TNNI3K: variants seen among roughly 807,000 people sequenced by gnomAD.
The protein encoded by TNNI3K is serine/threonine-protein kinase TNNI3K.
TNNI3K carries 140 observed loss-of-function variants against 114.5 expected under a neutral mutation model. The ratio of observed to expected loss-of-function variants is 1.22; its 90% confidence interval spans 1.07 to 1.41. TNNI3K has a LOEUF of 1.41. TNNI3K is among the 40% of genes most tolerant of loss of function. The pLI is 0.00. For missense variants in TNNI3K, 1,125 were observed against 1,007.6 expected (o/e 1.12, Z -1.58); for synonymous variants, 347 against 347.5 (o/e 1.00, Z 0.02).
chr1:74,437,363 A>G (rs1336942235), intron 19 of TNNI3K, among the ~76,000 whole-genome samples: 1 of 152,096 alleles, frequency 6.6e-6, no homozygotes, highest in African/African-American at 2.4e-5. Context: ...CTATGGAGCT[A>G]ATATTCTACT....
intron 4 of TNNI3K, among the ~76,000 whole-genome samples, chr1:74,256,629 A>T (rs536205135): frequency 2.2e-4 from 33 of 152,062 alleles, no homozygotes; most frequent in Non-Finnish European, 4.1e-4. Context: ...TTATTTTTAA[A>T]CTTATGACTG....
chr1:74,422,390 A>AT (rs1450273673), intron 17 of TNNI3K, among the ~76,000 whole-genome samples: 1 of 151,966 alleles, frequency 6.6e-6, no homozygotes, highest in African/African-American at 2.4e-5. Flanking sequence ...ATGCTAGAGG[A>AT]TTTTTTCCAC....
At chr1:74,478,698 T>C (rs1668327677) in intron 21 of TNNI3K, among the ~76,000 whole-genome samples, 1 of 152,212 alleles carries the variant, frequency 6.6e-6, no homozygotes, top group Non-Finnish European at 1.5e-5. Context: ...TTCACTTTGC[T>C]TAACTTAGTA....
rs150107405 is a variant in TNNI3K at position 74,342,936 on chromosome 1, G to C, written c.777G>C (p.Leu259Phe). 2.4e-3 allele frequency: 3,883 copies of C among 1,613,850 alleles called. 8 individuals are homozygous for C. Among genetic ancestry groups the C allele is most frequent in the Non-Finnish European group, 3.0e-3 (3,536 of 1,179,890 alleles). The part of the protein sequence containing the change: ...DIVKYLLQSD[L>F]EVQPHVVNIY... Reference sequence around the variant, plus strand: ...TTAAGTATCTGCTGCAAAGTGATTTGGAAGTTCAACCTCATGTTGTTAATA... The same window carrying C: ...TTAAGTATCTGCTGCAAAGTGATTTCGAAGTTCAACCTCATGTTGTTAATA... Residue 259 changes from leucine (L) to phenylalanine (F), a missense_variant, in exon 8 of 25, where the codon TTG (leucine) becomes TTC (phenylalanine). Transcript: ENST00000326637.
intron 20 of TNNI3K, among the ~76,000 whole-genome samples, chr1:74,449,436 T>C (rs1242946976): frequency 1.3e-5 from 2 of 152,168 alleles, no homozygotes; most frequent in Non-Finnish European, 2.9e-5. Context: ...ATTGATTTTT[T>C]GAATGGTTTT....
Position 74,493,993 on chromosome 1 carries a change from C to T in TNNI3K, c.2351+1727C>T, listed in dbSNP as rs112352051. On this transcript the variant is annotated intron_variant, in intron 23 of 24. Transcript: ENST00000326637. ...GGGTCATAGTTCATTAATATAAATA[C>T]GGTTGTCAGGGGCCCCTGTTCTAGA... Among the ~76,000 whole-genome samples, 906 of 152,238 alleles carry T rather than the reference C, an allele frequency of 6.0e-3. 13 individuals carry two copies. The highest frequency in any genetic ancestry group is 0.02 in the African/African-American group (841 of 41,526).
At chr1:74,252,057 G>A (rs947307945) in intron 4 of TNNI3K, among the ~76,000 whole-genome samples, 5 of 152,190 alleles carry the variant, frequency 3.3e-5, no homozygotes, top group African/African-American at 4.8e-5. Context: ...GGAAGGTAGT[G>A]AATGATAGTC....
At chr1:74,340,490 C>CAT (rs993229708) in intron 7 of TNNI3K, among the ~76,000 whole-genome samples, 5 of 152,094 alleles carry the variant, frequency 3.3e-5, no homozygotes, top group African/African-American at 1.2e-4. Flanking sequence ...CATGTATACG[C>CAT]ATAAATTCTA....
chr1:74,263,932 C>T (rs534083095), intron 4 of TNNI3K, among the ~76,000 whole-genome samples: 1 of 151,972 alleles, frequency 6.6e-6, no homozygotes, highest in African/African-American at 2.4e-5. Flanking sequence ...TTCCCCCGCC[C>T]CACTGCAATA....
chr1:74,283,819 A>G (rs1039354323), intron 5 of TNNI3K, among the ~76,000 whole-genome samples: 20 of 152,174 alleles, frequency 1.3e-4, no homozygotes, highest in African/African-American at 4.1e-4. Context: ...ATATATACAC[A>G]TATTTGTATA....
intron 20 of TNNI3K, among the ~76,000 whole-genome samples, chr1:74,444,299 A>G (rs1666528122): frequency 6.6e-6 from 1 of 152,174 alleles, no homozygotes; most frequent in East Asian, 1.9e-4. Context: ...CTCAGTCCTT[A>G]AAAACCTATT....
chr1:74,482,286 A>G (rs370998511), intron 21 of TNNI3K, among the ~76,000 whole-genome samples: 49 of 152,312 alleles, frequency 3.2e-4, no homozygotes, highest in African/African-American at 1.0e-3. Flanking sequence ...TATTTATGAA[A>G]TCTAACTTCA....
In TNNI3K at chr1:74,316,462, A is replaced by G. The variant is rs574038881; in HGVS notation, c.445-14988A>G. On this transcript the variant is annotated intron_variant, in intron 5 of 24. Coordinates refer to ENST00000326637, the MANE Select transcript of TNNI3K (RefSeq NM_015978.3). The stretch of plus-strand genomic sequence containing the variant: ...CTCTTTTTATATTCATTCCTCTTCA[A>G]CCTTAAGTTTCGTAAGCATGCCAGG... Among the ~76,000 whole-genome samples, 9 of 151,942 alleles carry G rather than the reference A, an allele frequency of 5.9e-5. No individual in the cohort carries two copies. The South Asian group carries it at 1.9e-3, about 32-fold the overall frequency.
At chr1:74,303,487 C>T (rs1658451026) in intron 5 of TNNI3K, among the ~76,000 whole-genome samples, 1 of 152,020 alleles carries the variant, frequency 6.6e-6, no homozygotes, top group South Asian at 2.1e-4. Context: ...ATTTTAAGCC[C>T]ACTGTTGAGA....
chr1:74,240,385 A>G (rs1431583142), intron 2 of TNNI3K: 3 of 152,614 alleles, frequency 2.0e-5, no homozygotes, highest in East Asian at 3.8e-4. Flanking sequence ...TGTTTATGTT[A>G]ACAACCCTCT....
chr1:74,424,846 G>A (rs1439054796), intron 17 of TNNI3K, among the ~76,000 whole-genome samples: 2 of 151,868 alleles, frequency 1.3e-5, no homozygotes, highest in African/African-American at 4.8e-5. Context: ...GCTATAATTT[G>A]CTCAGATTGT....
At chr1:74,532,253 G>A (rs1248870772) in intron 23 of TNNI3K, among the ~76,000 whole-genome samples, 2 of 152,128 alleles carry the variant, frequency 1.3e-5, no homozygotes, top group African/African-American at 2.4e-5. Flanking sequence ...ATAAAGGAAA[G>A]TATCATTTTT....
chr1:74,442,331 C>T (rs148490850), intron 20 of TNNI3K, among the ~76,000 whole-genome samples: 5 of 151,982 alleles, frequency 3.3e-5, no homozygotes, highest in African/African-American at 1.2e-4. Flanking sequence ...ATGTGTCTAC[C>T]CTTAAATCAA....
intron 12 of TNNI3K, 87 bp downstream of exon 12, chr1:74,367,429 A>G (rs1248120135): frequency 2.1e-6 from 3 of 1,441,654 alleles, no homozygotes; most frequent in Non-Finnish European, 1.9e-6. Flanking sequence ...TCATTCTTTC[A>G]GGGGTTAGGG....
Sources: allele counts gnomAD v4.1 joint callset (sites outside exome capture counted in the v4.1 genomes callset), GRCh38; gene constraint gnomAD v4.1.1; transcripts MANE v1.5; gene names NCBI Gene and HGNC (gene_info 2026-07-23, HGNC 2026-07-21).